The following BMP7 variants were observed in gnomAD, a reference collection of about 807,000 sequenced individuals.
BMP7 encodes bone morphogenetic protein 7.
Under a neutral mutation model 41.2 loss-of-function variants are expected in BMP7, and 12 were observed. That is an observed-to-expected ratio of 0.29 (90% confidence interval 0.19 to 0.47). BMP7 has a LOEUF of 0.47. BMP7 is among the 20% of genes least tolerant of loss of function. BMP7 has a pLI of 0.99. For synonymous variants in BMP7, 248 were observed against 250.0 expected (o/e 0.99, Z 0.07); for missense variants, 467 against 606.0 (o/e 0.77, Z 2.41).
At chr20:57,256,015 G>A (rs889114823) in intron 1 of BMP7, among the ~76,000 whole-genome samples, 6 of 152,034 alleles carry the variant, frequency 3.9e-5, no homozygotes, top group Non-Finnish European at 7.4e-5. Flanking sequence ...GCTGAAGCTT[G>A]CCTTTGCTGA....
At chr20:57,209,407 T>C (rs904996705) in intron 2 of BMP7, among the ~76,000 whole-genome samples, 5 of 151,448 alleles carry the variant, frequency 3.3e-5, no homozygotes, top group African/African-American at 1.2e-4. Context: ...ATCACGCTAT[T>C]GCACTCCAGC....
chr20:57,232,727 A>C (rs981695086), intron 1 of BMP7, among the ~76,000 whole-genome samples: 5 of 152,166 alleles, frequency 3.3e-5, no homozygotes, highest in African/African-American at 1.2e-4. Context: ...GATTTCCTTC[A>C]TTAATTAGTT....
intron 1 of BMP7, among the ~76,000 whole-genome samples, chr20:57,258,949 A>G (rs1470912984): frequency 1.3e-5 from 2 of 152,202 alleles, no homozygotes; most frequent in Admixed American, 6.5e-5. Flanking sequence ...GCCTCTGCGC[A>G]TGGGTGATAT....
intron 1 of BMP7, among the ~76,000 whole-genome samples, chr20:57,265,395 C>T (rs1388029459): frequency 6.6e-6 from 1 of 152,266 alleles, no homozygotes. Flanking sequence ...CTCACATGAC[C>T]GAGCCCCGCG....
At chr20:57,253,570 G>A (rs932507617) in intron 1 of BMP7, among the ~76,000 whole-genome samples, 2 of 151,962 alleles carry the variant, frequency 1.3e-5, no homozygotes, top group Non-Finnish European at 2.9e-5. Flanking sequence ...AGATTGATTC[G>A]TTATTGGCCT....
At chr20:57,202,109 A>G (rs376574128) in intron 3 of BMP7, among the ~76,000 whole-genome samples, 47 of 152,200 alleles carry the variant, frequency 3.1e-4, no homozygotes, top group African/African-American at 1.1e-3. Flanking sequence ...AACAGTCCAG[A>G]ATGTCCTGTG....
rs562273737 is a variant in BMP7, at chr20:57,171,206, T to G, written c.1147-98A>C. 6.5e-7 allele frequency: 1 copy of G among 1,541,886 alleles called. No individual in the cohort carries two copies. Among genetic ancestry groups the G allele is most frequent in the Admixed American group, 1.8e-5 (1 of 57,094 alleles). Reference sequence around the variant, plus strand: ...AAAGAAACATCCTGTCTGGGCATAATGAATGACTGCAGGTGACACTCCCCA... The same window carrying G: ...AAAGAAACATCCTGTCTGGGCATAAGGAATGACTGCAGGTGACACTCCCCA... On this transcript the variant is annotated intron_variant, in intron 6 of 6. Transcript: ENST00000395863. The surrounding 1 kb of genome is among the most constrained non-coding windows in gnomAD (Gnocchi z 4.5).
intron 6 of BMP7, among the ~76,000 whole-genome samples, chr20:57,172,036 T>C (rs964784370): frequency 2.0e-5 from 3 of 152,228 alleles, no homozygotes; most frequent in Non-Finnish European, 2.9e-5. Context: ...GAATTCACTT[T>C]GATCCTGCAG....
intron 1 of BMP7, among the ~76,000 whole-genome samples, chr20:57,258,649 A>G (rs931593520): frequency 1.4e-4 from 21 of 152,232 alleles, no homozygotes; most frequent in African/African-American, 4.8e-4. Context: ...TTAAATAACC[A>G]TAGATGCTAA....
At chr20:57,216,754 G>A (rs572953283) in intron 2 of BMP7, among the ~76,000 whole-genome samples, 21 of 152,308 alleles carry the variant, frequency 1.4e-4, no homozygotes, top group Admixed American at 2.0e-4. Context: ...CGAGGTCTGC[G>A]GCTCAGCGGG....
chr20:57,258,686 C>T (rs2066143177), intron 1 of BMP7, among the ~76,000 whole-genome samples: 1 of 152,160 alleles, frequency 6.6e-6, no homozygotes, highest in Admixed American at 6.5e-5. Context: ...CAGCCTTAGA[C>T]TCTATTCATC....
Position 57,259,910 on chromosome 20 carries a change from C to G in BMP7, c.418+5795G>C, listed in dbSNP as rs561028817. ...CTATCTGTTCCATATTAAGAAATAC[C>G]AAGTCACATTTTTTGTCAATTATTA... On this transcript the variant is annotated intron_variant, in intron 1 of 6. Coordinates refer to ENST00000395863, the MANE Select transcript of BMP7 (RefSeq NM_001719.3). The surrounding 1 kb of genome is among the most constrained non-coding windows in gnomAD (Gnocchi z 4.7). 1.5e-4 allele frequency among the ~76,000 whole-genome samples: 23 copies of G among 152,086 alleles called. No homozygotes were observed. The highest frequency in any genetic ancestry group is 5.5e-4 in the African/African-American group (23 of 41,478).
At chr20:57,238,766 C>T (rs536278688) in intron 1 of BMP7, among the ~76,000 whole-genome samples, 2 of 151,858 alleles carry the variant, frequency 1.3e-5, no homozygotes, top group African/African-American at 4.8e-5. Context: ...AGAATCATGG[C>T]GGGAGGCAAA....
chr20:57,181,092 G>A (rs1340685407), intron 4 of BMP7, among the ~76,000 whole-genome samples: 1 of 152,162 alleles, frequency 6.6e-6, no homozygotes, highest in Non-Finnish European at 1.5e-5. Flanking sequence ...CATGGTGGCA[G>A]GGCAGGTTTG....
chr20:57,180,758 G>A (rs1984061775), intron 4 of BMP7, among the ~76,000 whole-genome samples: 2 of 152,012 alleles, frequency 1.3e-5, no homozygotes, highest in South Asian at 2.1e-4. Context: ...GAAAATATAC[G>A]GAATCCCTAC....
intron 1 of BMP7, 132 bp downstream of exon 1, chr20:57,265,573 C>T (rs2066173406): frequency 1.4e-6 from 2 of 1,404,038 alleles, no homozygotes; most frequent in Admixed American, 3.9e-5. Flanking sequence ...GGGTGGGAGA[C>T]CCTCGGGCAG....
intron 1 of BMP7, among the ~76,000 whole-genome samples, chr20:57,257,635 T>C (rs750538779): frequency 7.2e-5 from 11 of 152,160 alleles, no homozygotes; most frequent in Non-Finnish European, 1.3e-4. Flanking sequence ...GTAGTGGGAA[T>C]TGGAGATCAA....
intron 1 of BMP7, among the ~76,000 whole-genome samples, chr20:57,262,019 G>C (rs763083336): frequency 6.6e-6 from 1 of 152,166 alleles, no homozygotes; most frequent in Non-Finnish European, 1.5e-5. Flanking sequence ...AATAATGATA[G>C]GTTTCCAACT....
intron 1 of BMP7, among the ~76,000 whole-genome samples, chr20:57,256,196 G>T (rs1373101302): frequency 2.0e-5 from 3 of 152,202 alleles, no homozygotes; most frequent in African/African-American, 7.2e-5. Flanking sequence ...GTCAGGAAAA[G>T]ATATATTACA....
Sources: gnomAD v4.1 joint callset for allele counts (sites outside exome capture counted in the v4.1 genomes callset) on GRCh38, gnomAD v4.1.1 for gene constraint, Gnocchi (gnomAD v3.1) non-coding constraint, MANE v1.5 for transcripts, NCBI Gene and HGNC (gene_info 2026-07-23, HGNC 2026-07-21) for gene names.